The following C8orf34 variants were observed in gnomAD, a reference collection of about 807,000 sequenced individuals.
The protein encoded by C8orf34 is uncharacterized protein C8orf34.
In C8orf34, 65 loss-of-function variants were observed where a neutral mutation model predicts 68.3. That is an observed-to-expected ratio of 0.95 (90% CI 0.78 to 1.17). C8orf34 has a LOEUF of 1.17. C8orf34 is among the 50% of genes most tolerant of loss of function. The pLI, the probability that C8orf34 is intolerant of heterozygous loss-of-function variation, is 0.00. For missense variants in C8orf34, 664 were observed against 655.4 expected, an observed-to-expected ratio of 1.01 and a Z score of -0.14; for synonymous variants, 244 against 241.2, an observed-to-expected ratio of 1.01 and a Z score of -0.11.
chr8:68,532,467 A>G (rs1815290104), intron 6 of C8orf34, among the ~76,000 whole-genome samples: 2 of 152,192 alleles, frequency 1.3e-5, no homozygotes, highest in Admixed American at 1.3e-4. Flanking sequence ...TAGACTCAAA[A>G]GCACTATAAA....
intron 4 of C8orf34, among the ~76,000 whole-genome samples, chr8:68,472,083 A>G (rs529322709): frequency 9.5e-4 from 144 of 151,972 alleles, no homozygotes; most frequent in African/African-American, 3.2e-3. Flanking sequence ...TCAATGTAAC[A>G]TTTTATCTTA....
chr8:68,714,162 G>T (rs568025869), intron 9 of C8orf34, among the ~76,000 whole-genome samples: 1 of 152,104 alleles, frequency 6.6e-6, no homozygotes, highest in African/African-American at 2.4e-5. Flanking sequence ...AGCCATCTAT[G>T]ACAAACCCAT....
At chr8:68,525,237 T>C (rs1309667563) in intron 6 of C8orf34, among the ~76,000 whole-genome samples, 1 of 152,158 alleles carries the variant, frequency 6.6e-6, no homozygotes, top group Non-Finnish European at 1.5e-5. Flanking sequence ...ATATATGCCA[T>C]AAATTCAAGT....
chr8:68,806,687 C>G (rs1178649739), intron 12 of C8orf34, among the ~76,000 whole-genome samples: 2 of 152,108 alleles, frequency 1.3e-5, no homozygotes, highest in South Asian at 2.1e-4. Flanking sequence ...CTTGGATGAG[C>G]AAAGTGCTTC....
intron 9 of C8orf34, among the ~76,000 whole-genome samples, chr8:68,716,460 A>T (rs914917103): frequency 6.6e-6 from 1 of 152,204 alleles, no homozygotes; most frequent in Non-Finnish European, 1.5e-5. Flanking sequence ...ATACATCAAC[A>T]GAAAAATAAG....
Position 68,774,325 on chromosome 8 carries a change from G to GTATATATATA in C8orf34, c.1405-2073_1405-2072insATATATATAT, listed in dbSNP as rs1491199296. 7.6e-5 allele frequency among the ~76,000 whole-genome samples: 3 copies of GTATATATATA among 39,250 alleles called. 1 individual carries two copies. The African/African-American group carries it at 8.1e-4, about 11-fold the overall frequency. The allele number at this position is 39,250 out of a possible 152,430, so 25.7% of individuals were successfully genotyped here. ...TTTATCTATGTATAAAAATATGGGT[G>GTATATATATA]TGTGTGTATATATATATATATATAA... On this transcript the variant is annotated intron_variant, in intron 10 of 13. Transcript: ENST00000518698.
rs145365846 is a variant in C8orf34 at position 68,581,084 on chromosome 8, G to T, written c.1105+47935G>T. On this transcript the variant is annotated intron_variant, in intron 7 of 13. Transcript: ENST00000518698. ...AACTGACAGAGACAGATTAACAAGAGAAATGCATATACATTTATTTAATAA... is the reference window on the plus strand; with the variant it reads ...AACTGACAGAGACAGATTAACAAGATAAATGCATATACATTTATTTAATAA... Among the ~76,000 whole-genome samples, 918 of 152,234 alleles carry T rather than the reference G, an allele frequency of 6.0e-3. 13 individuals are homozygous for T. The highest frequency in any genetic ancestry group is 0.021 in the African/African-American group (860 of 41,548).
intron 10 of C8orf34, among the ~76,000 whole-genome samples, chr8:68,759,582 G>A (rs936588399): frequency 6.6e-6 from 1 of 152,174 alleles, no homozygotes; most frequent in Non-Finnish European, 1.5e-5. Context: ...GAAGTACCTT[G>A]TCGGGGTCTA....
intron 7 of C8orf34, among the ~76,000 whole-genome samples, chr8:68,544,490 A>C (rs1397123256): frequency 1.3e-5 from 2 of 152,216 alleles, no homozygotes; most frequent in Non-Finnish European, 2.9e-5. Context: ...AACAAAACTC[A>C]AAACTCAACA....
At chr8:68,688,757 T>C (rs1820600209) in intron 8 of C8orf34, among the ~76,000 whole-genome samples, 1 of 152,086 alleles carries the variant, frequency 6.6e-6, no homozygotes, top group Admixed American at 6.6e-5. Flanking sequence ...CACTGCATGT[T>C]CTCACTCATA....
chr8:68,692,608 A>C (rs1820717717), intron 8 of C8orf34, among the ~76,000 whole-genome samples: 1 of 152,106 alleles, frequency 6.6e-6, no homozygotes, highest in African/African-American at 2.4e-5. Context: ...CGGAAAGGCA[A>C]ATAAATGACA....
chr8:68,426,399 G>C (rs977130744), intron 1 of C8orf34, among the ~76,000 whole-genome samples: 1 of 151,224 alleles, frequency 6.6e-6, no homozygotes, highest in Non-Finnish European at 1.5e-5. Context: ...CACTCCTGTA[G>C]TCCCAAATGC....
At chr8:68,437,700 ATTGT>A (rs1331022195) in intron 1 of C8orf34, among the ~76,000 whole-genome samples, 12 of 152,214 alleles carry the variant, frequency 7.9e-5, no homozygotes, top group African/African-American at 2.6e-4. Context: ...GTGACAACTG[ATTGT>A]TTGCTTACTT....
At chr8:68,428,007 T>A (rs910822515) in intron 1 of C8orf34, among the ~76,000 whole-genome samples, 3 of 149,504 alleles carry the variant, frequency 2.0e-5, no homozygotes, top group South Asian at 2.1e-4. Context: ...AATGAGATTT[T>A]AAAAAATAAA....
intron 8 of C8orf34, among the ~76,000 whole-genome samples, chr8:68,698,015 T>C (rs1387333743): frequency 1.3e-5 from 2 of 152,074 alleles, no homozygotes; most frequent in Non-Finnish European, 2.9e-5. Context: ...TAGAAACAAC[T>C]CAGTGGGGTT....
intron 1 of C8orf34, among the ~76,000 whole-genome samples, chr8:68,369,750 G>C (rs117809643): frequency 0.015 from 2,219 of 152,304 alleles, 30 homozygotes; most frequent in Admixed American, 0.035. Context: ...AAGCAGACAG[G>C]ACTTTACTAA....
chr8:68,749,322 G>C (rs559371546), intron 10 of C8orf34, among the ~76,000 whole-genome samples: 1 of 152,070 alleles, frequency 6.6e-6, no homozygotes, highest in South Asian at 2.1e-4. Flanking sequence ...CACCAGCATG[G>C]CACATGTATA....
At chr8:68,415,462 G>A (rs1040273311) in intron 1 of C8orf34, among the ~76,000 whole-genome samples, 3 of 151,744 alleles carry the variant, frequency 2.0e-5, no homozygotes, top group Non-Finnish European at 4.4e-5. Context: ...CCTGGGCAAC[G>A]AGAGTGAAAT....
At chr8:68,629,639 T>G (rs1818632509) in intron 7 of C8orf34, among the ~76,000 whole-genome samples, 2 of 152,204 alleles carry the variant, frequency 1.3e-5, no homozygotes, top group African/African-American at 4.8e-5. Flanking sequence ...AATGAATGCC[T>G]ACTCTGTGCT....
Sources: gnomAD v4.1 joint callset for allele counts (sites outside exome capture counted in the v4.1 genomes callset) on GRCh38, gnomAD v4.1.1 for gene constraint, MANE v1.5 for transcripts, NCBI Gene and HGNC (gene_info 2026-07-23, HGNC 2026-07-21) for gene names.